Variants in SERPINB11 observed in about 807,000 individuals in gnomAD.
SERPINB11 encodes serpin B11.
Under a neutral mutation model 36.7 loss-of-function variants are expected in SERPINB11, and 32 were observed. That is an observed-to-expected ratio of 0.87 (90% confidence interval 0.66 to 1.17). The LOEUF (loss-of-function observed/expected upper bound fraction) is 1.17. SERPINB11 is among the 50% of genes most tolerant of loss of function. The pLI, the probability that SERPINB11 is intolerant of heterozygous loss-of-function variation, is 0.00. For synonymous variants in SERPINB11, 174 were observed against 168.1 expected, an observed-to-expected ratio of 1.04 and a Z score of -0.27; for missense variants, 528 against 458.4, an observed-to-expected ratio of 1.15 and a Z score of -1.39.
chr18:63,702,801 A>G (rs1914272548), upstream of SERPINB11: 1 of 152,202 alleles, frequency 6.6e-6, no homozygotes, highest in Non-Finnish European at 1.5e-5. Context: ...ATGAGCCACC[A>G]TGCTGGGCTC....
chr18:63,720,745 A>T (rs1329830048), intron 6 of SERPINB11, 86 bp from the exon 7 acceptor site: 4 of 938,144 alleles, frequency 4.3e-6, no homozygotes, highest in Non-Finnish European at 6.4e-6. Flanking sequence ...GTGTTCATGC[A>T]GATATCCGTG....
chr18:63,719,292 G>A (rs1914744826), intron 5 of SERPINB11, among the ~76,000 whole-genome samples: 1 of 151,936 alleles, frequency 6.6e-6, no homozygotes, highest in Admixed American at 6.6e-5. Context: ...CTTAAGGTTA[G>A]GTATTGCTAT....
chr18:63,720,363 C>T, intron 6 of SERPINB11: 1 of 538,402 alleles, frequency 1.9e-6, no homozygotes, highest in Non-Finnish European at 3.2e-6. Context: ...ACTTGGGATA[C>T]TAAGATTCTC....
chr18:63,704,876 A>G (rs1259651019), intron 1 of SERPINB11, among the ~76,000 whole-genome samples: 1 of 152,208 alleles, frequency 6.6e-6, no homozygotes, highest in African/African-American at 2.4e-5. Context: ...GCTGATATTC[A>G]TCATGGCACT....
chr18:63,706,786 T>A (rs975251040), intron 1 of SERPINB11, among the ~76,000 whole-genome samples: 3 of 152,220 alleles, frequency 2.0e-5, no homozygotes, highest in African/African-American at 4.8e-5. Flanking sequence ...CTAGGGCAGA[T>A]CCAGGATTGG....
intron 5 of SERPINB11, among the ~76,000 whole-genome samples, chr18:63,717,684 T>C (rs1169944266): frequency 1.3e-5 from 2 of 152,010 alleles, no homozygotes; most frequent in African/African-American, 4.8e-5. Flanking sequence ...CCTGTAAGAA[T>C]GGTTTGTCTG....
At position 63,714,297 on chromosome 18, in the gene SERPINB11, A is replaced by G. The variant is rs576812160; in HGVS notation, c.357+1604A>G. ...GATCACATGCTTCACAAGGCAATAAAATATCACAAGGCAAATGGGGGCAGA... is the reference window on the plus strand; with the variant it reads ...GATCACATGCTTCACAAGGCAATAAGATATCACAAGGCAAATGGGGGCAGA... On this transcript the variant is annotated intron_variant, in intron 4 of 7. Transcript: ENST00000544088. Among the ~76,000 whole-genome samples the G allele has an allele frequency of 2.6e-5, 4 of 152,270 alleles. No individual in the cohort carries two copies. The South Asian group carries it at 8.3e-4, about 32-fold the overall frequency.
chr18:63,715,003 CT>C (rs1914630442), intron 4 of SERPINB11, among the ~76,000 whole-genome samples: 2 of 152,164 alleles, frequency 1.3e-5, no homozygotes, highest in South Asian at 4.1e-4. Flanking sequence ...ATTTGAGGAA[CT>C]AATAAATGCC....
At chr18:63,716,544 C>G (rs996445079) in intron 5 of SERPINB11, among the ~76,000 whole-genome samples, 1 of 152,092 alleles carries the variant, frequency 6.6e-6, no homozygotes, top group Non-Finnish European at 1.5e-5. Context: ...TTATCCATCA[C>G]TCAATTGCAA....
Position 63,723,273 on chromosome 18 carries a change from G to A in SERPINB11, c.1053G>A (p.Gly351=). The A allele has an allele frequency of 6.2e-7, 1 of 1,613,932 alleles. No individual in the cohort carries two copies. Among genetic ancestry groups the A allele is most frequent in the East Asian group, 2.2e-5 (1 of 44,882 alleles). Residue 351 remains glycine (G), a synonymous_variant, in exon 8 of 8, where the codon GGG becomes GGA. Coordinates refer to ENST00000544088, the MANE Select transcript of SERPINB11 (RefSeq NM_001370475.1). ...EEGTEAAAAT[G]DSIAVKSLPM... is the part of the protein sequence containing the mutation. The stretch of plus-strand genomic sequence containing the variant: ...GCACGGAGGCAGCAGCAGCCACTGG[G>A]GACAGCATCGCTGTAAAAAGCCTAC...
At chr18:63,716,999 G>A (rs945846046) in intron 5 of SERPINB11, among the ~76,000 whole-genome samples, 10 of 152,080 alleles carry the variant, frequency 6.6e-5, no homozygotes, top group Admixed American at 5.2e-4. Context: ...TAAGACATTA[G>A]TTGTTAGAAA....
At chr18:63,719,751 A>C (rs990998524) in intron 5 of SERPINB11, among the ~76,000 whole-genome samples, 1 of 152,106 alleles carries the variant, frequency 6.6e-6, no homozygotes, top group Non-Finnish European at 1.5e-5. Context: ...AACTAGGCAT[A>C]AGACAAATTG....
chr18:63,709,267 G>A (rs1208077208), intron 1 of SERPINB11, among the ~76,000 whole-genome samples: 2 of 152,000 alleles, frequency 1.3e-5, no homozygotes, highest in East Asian at 3.9e-4. Context: ...TGTTAGTATT[G>A]TCTTATTTCA....
intron 7 of SERPINB11, among the ~76,000 whole-genome samples, chr18:63,721,681 G>A (rs528257715): frequency 1.3e-5 from 2 of 152,176 alleles, no homozygotes; most frequent in East Asian, 3.9e-4. Context: ...TGTGTTGGGT[G>A]GTAGGGAAGG....
chr18:63,716,247 C>A lies in SERPINB11; in HGVS notation c.475+95C>A. Reference sequence around the variant, plus strand: ...AAGAGGAAGCTGGCTGAAGTCTGCACCTGACATAGGCAGATCAGCAAGAAA... The same window carrying A: ...AAGAGGAAGCTGGCTGAAGTCTGCAACTGACATAGGCAGATCAGCAAGAAA... On this transcript the variant is annotated intron_variant, in intron 5 of 7. Coordinates refer to ENST00000544088, the MANE Select transcript of SERPINB11 (RefSeq NM_001370475.1). 7 of 720,284 alleles carry A rather than the reference C, an allele frequency of 9.7e-6. No individual in the cohort carries two copies. The Admixed American group carries it at 1.2e-4, about 13-fold the overall frequency. The allele number at this position is 720,284 out of a possible 1,614,324, so 44.6% of individuals were successfully genotyped here.
chr18:63,714,251 G>A (rs563136204), intron 4 of SERPINB11, among the ~76,000 whole-genome samples: 2 of 152,236 alleles, frequency 1.3e-5, no homozygotes, highest in East Asian at 1.9e-4. Context: ...GGGAGTGTAC[G>A]AATAGGGTGT....
chr18:63,722,840 T>C (rs1280753043), intron 7 of SERPINB11, among the ~76,000 whole-genome samples, 155 bp from the exon 8 acceptor site: 5 of 152,174 alleles, frequency 3.3e-5, no homozygotes, highest in Admixed American at 3.3e-4. Context: ...ATGTGGCTAA[T>C]GGTATGATTT....
At position 63,710,321 on chromosome 18, in the gene SERPINB11, T is replaced by C. The variant is rs1914487333; in HGVS notation, c.128T>C (p.Leu43Pro). The C allele has an allele frequency of 6.2e-7, 1 of 1,613,498 alleles. No homozygotes were observed. The highest frequency in any genetic ancestry group is 8.5e-7 in the Non-Finnish European group (1 of 1,179,642). Reference protein sequence around the residue: ...LSLLYALSMVLLGARGETEEQ... With the variant: ...LSLLYALSMVPLGARGETEEQ... ...CTGCTTTATGCTCTAAGCATGGTCC[T>C]CCTTGGTGCCAGGGGAGAGACTGAA... The change falls in exon 2 of 8, where the codon CTC becomes CCC. Residue 43 changes from leucine (L) to proline (P), a missense_variant. Coordinates refer to ENST00000544088, the MANE Select transcript of SERPINB11 (RefSeq NM_001370475.1).
At position 63,711,353 on chromosome 18, in the gene SERPINB11, A is replaced by G. The variant is rs768178121; in HGVS notation, c.187A>G (p.Thr63Ala). ...QLEKVLHFSH[T>A]VDSLKPGFKD... ...TTTCTAGGTGCTTCATTTTAGTCAT[A>G]CTGTAGACTCATTAAAACCAGGGTT... Residue 63 changes from threonine (T) to alanine (A), a missense_variant, in exon 3 of 8, where the codon ACT becomes GCT. Coordinates refer to ENST00000544088, the MANE Select transcript of SERPINB11 (RefSeq NM_001370475.1). 1 of 1,610,868 alleles carries G rather than the reference A, an allele frequency of 6.2e-7. No individual in the cohort carries two copies. Among genetic ancestry groups the G allele is most frequent in the Admixed American group, 1.7e-5 (1 of 59,918 alleles).
Sources: gnomAD v4.1 joint callset for allele counts (sites outside exome capture counted in the v4.1 genomes callset) on GRCh38, gnomAD v4.1.1 for gene constraint, MANE v1.5 for transcripts, NCBI Gene and HGNC (gene_info 2026-07-23, HGNC 2026-07-21) for gene names.